CSMD1: variants seen among roughly 807,000 people sequenced by gnomAD.
CSMD1 encodes CUB and Sushi multiple domains 1.
Under a neutral mutation model 417.5 loss-of-function variants are expected in CSMD1, and 213 were observed. The ratio of observed to expected loss-of-function variants is 0.51; its 90% confidence interval spans 0.46 to 0.57. The LOEUF is 0.57. Ranked by LOEUF, CSMD1 falls within the 20% of genes least tolerant of loss-of-function variation. The probability of loss-of-function intolerance (pLI) is 0.00; values close to 1 mark genes in which losing one functional copy is unlikely to be tolerated. For missense variants in CSMD1, 6,923 were observed against 4,529.7 expected (o/e 1.53, Z -15.17); for synonymous variants, 2,862 against 1,736.8 (o/e 1.65, Z -16.11).
chr8:3,676,093 T>G (rs972442398), intron 7 of CSMD1, among the ~76,000 whole-genome samples: 1 of 152,258 alleles, frequency 6.6e-6, no homozygotes, highest in African/African-American at 2.4e-5. Context: ...ATTAAATATA[T>G]GCATGTGTGT....
chr8:4,564,507 T>C (rs1169068294), intron 2 of CSMD1, among the ~76,000 whole-genome samples: 1 of 152,174 alleles, frequency 6.6e-6, no homozygotes. Context: ...ACATACTTTA[T>C]CTATTATAAT....
Position 4,458,296 on chromosome 8 carries a change from CCT to C in CSMD1, c.303-38233_303-38232del, listed in dbSNP as rs537417994. On this transcript the variant is annotated intron_variant, in intron 2 of 69. Transcript: ENST00000635120. ...ACACTCAATGAGAAATATCTTTCTC[CCT>C]CTTTTTTTTTGTGTGCGCACAAGGG... Among the ~76,000 whole-genome samples the C allele has an allele frequency of 2.5e-3, 382 of 151,904 alleles. 2 individuals carry two copies. The highest frequency in any genetic ancestry group is 4.4e-3 in the Non-Finnish European group (298 of 67,984).
At chr8:4,324,647 C>T (rs1188537635) in intron 3 of CSMD1, among the ~76,000 whole-genome samples, 2 of 152,186 alleles carry the variant, frequency 1.3e-5, no homozygotes, top group South Asian at 4.1e-4. Flanking sequence ...AACAAACAAA[C>T]ACTGCTCCTG....
At chr8:3,703,341 A>G (rs1002628715) in intron 7 of CSMD1, among the ~76,000 whole-genome samples, 1 of 152,226 alleles carries the variant, frequency 6.6e-6, no homozygotes, top group South Asian at 2.1e-4. Context: ...GTGGGTTCCC[A>G]AAGCAAAATT....
chr8:4,293,606 G>C (rs1240018269), intron 3 of CSMD1, among the ~76,000 whole-genome samples: 2 of 152,100 alleles, frequency 1.3e-5, no homozygotes, highest in East Asian at 1.9e-4. Flanking sequence ...CATGAACTAA[G>C]CAATACTGCA....
chr8:4,368,805 A>C lies in CSMD1; in HGVS notation c.415+51148T>G, dbSNP rs75797226. ...TTTGTATTTCTGTTGGATAGGTTGT[A>C]ATGTCAGCTTTGTCATTTCTAAGTG... On this transcript the variant is annotated intron_variant, in intron 3 of 69. Coordinates refer to ENST00000635120, the MANE Select transcript of CSMD1 (RefSeq NM_033225.6). 3.3e-3 allele frequency among the ~76,000 whole-genome samples: 499 copies of C among 152,188 alleles called. 26 individuals carry two copies. In the East Asian group the frequency reaches 0.083, roughly 25 times the overall value.
Position 3,043,117 on chromosome 8 carries a change from T to A in CSMD1, c.7660+9345A>T, listed in dbSNP as rs140616246. 5.6e-3 allele frequency among the ~76,000 whole-genome samples: 814 copies of A among 144,852 alleles called. 5 individuals are homozygous for A. Among genetic ancestry groups the A allele is most frequent in the African/African-American group, 0.022 (768 of 35,380 alleles). On this transcript the variant is annotated intron_variant, in intron 50 of 69. Transcript: ENST00000635120. ...CTACAGTACTAGGTCACTATGGTGA[T>A]ATATATATAGTACATATATATAGTG... is the stretch of plus-strand genomic sequence containing the variant.
intron 3 of CSMD1, among the ~76,000 whole-genome samples, chr8:4,262,157 T>G (rs1803931783): frequency 6.6e-6 from 1 of 152,174 alleles, no homozygotes; most frequent in Non-Finnish European, 1.5e-5. Flanking sequence ...ATTTGTAGAT[T>G]CTCATTCAGA....
At chr8:3,737,062 T>G (rs572405285) in intron 6 of CSMD1, among the ~76,000 whole-genome samples, 2 of 152,242 alleles carry the variant, frequency 1.3e-5, no homozygotes, top group African/African-American at 2.4e-5. Context: ...TTAAGCGGAT[T>G]TGAAAGTCAG....
intron 3 of CSMD1, among the ~76,000 whole-genome samples, chr8:4,100,607 C>T (rs1419784265): frequency 6.6e-6 from 1 of 152,120 alleles, no homozygotes; most frequent in Non-Finnish European, 1.5e-5. Flanking sequence ...TCAAAATATA[C>T]AGTTTCCACC....
chr8:3,961,782 G>T (rs572307456), intron 5 of CSMD1, among the ~76,000 whole-genome samples: 1 of 152,128 alleles, frequency 6.6e-6, no homozygotes, highest in Non-Finnish European at 1.5e-5. Flanking sequence ...CTTTGATAAT[G>T]GTGCACTGGG....
chr8:3,384,231 C>G (rs1261556916), intron 18 of CSMD1, among the ~76,000 whole-genome samples: 3 of 152,080 alleles, frequency 2.0e-5, no homozygotes, highest in Non-Finnish European at 2.9e-5. Context: ...GAGAGATAGT[C>G]TAAATTTTCA....
chr8:4,361,282 T>A (rs576309732), intron 3 of CSMD1, among the ~76,000 whole-genome samples: 93 of 152,284 alleles, frequency 6.1e-4, no homozygotes, highest in African/African-American at 2.1e-3. Flanking sequence ...TACTTACTCA[T>A]AAATAATACA....
At chr8:4,006,886 G>A (rs1012007971) in intron 4 of CSMD1, among the ~76,000 whole-genome samples, 3 of 134,716 alleles carry the variant, frequency 2.2e-5, no homozygotes, top group Admixed American at 8.1e-5. Flanking sequence ...GGAGTGCAGT[G>A]GCGTGATCTC....
chr8:4,786,741 T>TC (rs200632193), intron 1 of CSMD1, among the ~76,000 whole-genome samples: 1,609 of 152,286 alleles, frequency 0.011, 14 homozygotes, highest in East Asian at 0.057. Context: ...TATCTTTATT[T>TC]TTTTTTCTTA....
At chr8:3,190,202 A>T in intron 33 of CSMD1, 87 bp from the exon 34 acceptor site, 1 of 905,520 alleles carries the variant, frequency 1.1e-6, no homozygotes, top group Non-Finnish European at 1.7e-6. Flanking sequence ...GATGGGACCA[A>T]GGAGAGCTGA....
Position 4,885,605 on chromosome 8 carries a change from T to C in CSMD1, c.85+108727A>G, listed in dbSNP as rs1363289866. 2.0e-5 allele frequency among the ~76,000 whole-genome samples: 3 copies of C among 152,036 alleles called. No homozygotes were observed. The East Asian group carries it at 5.8e-4, about 29-fold the overall frequency. Reference sequence around the variant, plus strand: ...ATGATTAGGTGGCTTTTGTCCTTTATCCTGTTGATATAGTATATCACATTA... The same window carrying C: ...ATGATTAGGTGGCTTTTGTCCTTTACCCTGTTGATATAGTATATCACATTA... On this transcript the variant is annotated intron_variant, in intron 1 of 69. Transcript: ENST00000635120.
At chr8:3,663,670 C>A (rs1328629853) in intron 7 of CSMD1, among the ~76,000 whole-genome samples, 1 of 152,154 alleles carries the variant, frequency 6.6e-6, no homozygotes, top group Non-Finnish European at 1.5e-5. Flanking sequence ...TGCCTCTTTT[C>A]TACCTATGAA....
chr8:3,252,742 C>G (rs953869940), intron 26 of CSMD1, among the ~76,000 whole-genome samples: 1 of 152,134 alleles, frequency 6.6e-6, no homozygotes, highest in African/African-American at 2.4e-5. Flanking sequence ...ATTTCAGAGC[C>G]TGTTATTCGT....
Sources: gnomAD v4.1 joint callset for allele counts (sites outside exome capture counted in the v4.1 genomes callset) on GRCh38, gnomAD v4.1.1 for gene constraint, MANE v1.5 for transcripts, NCBI Gene and HGNC (gene_info 2026-07-23, HGNC 2026-07-21) for gene names.